The following RGS8 variants were observed in gnomAD, a reference collection of about 807,000 sequenced individuals.
RGS8 encodes regulator of G-protein signaling 8.
In RGS8, 8 loss-of-function variants were observed where a neutral mutation model predicts 21.7. That is an observed-to-expected ratio of 0.37 (90% CI 0.22 to 0.66). The LOEUF is 0.66. RGS8 is among the 30% of genes least tolerant of loss of function. The pLI is 0.59. For synonymous variants in RGS8, 80 were observed against 83.6 expected (o/e 0.96, Z 0.24); for missense variants, 157 against 217.9 (o/e 0.72, Z 1.76).
the RGS8 span, among the ~76,000 whole-genome samples, chr1:182,731,511 T>C: frequency 6.6e-6 from 1 of 152,214 alleles, no homozygotes; most frequent in Non-Finnish European, 1.5e-5. Context: ...AAAAGTCTTC[T>C]TCTAGTTCAA....
At chr1:182,659,994 C>T (rs1014183814) in intron 5 of RGS8, among the ~76,000 whole-genome samples, 4 of 152,140 alleles carry the variant, frequency 2.6e-5, no homozygotes, top group Admixed American at 2.0e-4. Context: ...AATACTACCT[C>T]CAATCCACAA....
chr1:182,655,013 G>T (rs1663199055), intron 5 of RGS8, among the ~76,000 whole-genome samples: 2 of 152,146 alleles, frequency 1.3e-5, no homozygotes, highest in Admixed American at 6.5e-5. Context: ...CTTACTTTGG[G>T]CCCAGCACCG....
At chr1:182,730,467 T>C in the RGS8 span, among the ~76,000 whole-genome samples, 5 of 152,178 alleles carry the variant, frequency 3.3e-5, no homozygotes, top group African/African-American at 4.8e-5. Context: ...CCCAGTACTT[T>C]GGGAGGCCAA....
At chr1:182,673,260 A>G (rs551528076), upstream of RGS8, among the ~76,000 whole-genome samples, 4 of 152,198 alleles carry the variant, frequency 2.6e-5, no homozygotes, top group Non-Finnish European at 5.9e-5. Context: ...TAAATGTATA[A>G]AGCATTTTCA....
the RGS8 span, among the ~76,000 whole-genome samples, chr1:182,697,158 A>G: frequency 3.9e-5 from 6 of 152,376 alleles, no homozygotes; most frequent in Admixed American, 3.9e-4. Context: ...GAAACTCCAC[A>G]TCTTGATGAG....
chr1:182,677,447 T>C (rs899143071), upstream of RGS8, among the ~76,000 whole-genome samples: 2 of 152,252 alleles, frequency 1.3e-5, no homozygotes, highest in Non-Finnish European at 2.9e-5. Flanking sequence ...TCATTTTACA[T>C]AGAGGATTAC....
At chr1:182,708,738 A>G in the RGS8 span, among the ~76,000 whole-genome samples, 1 of 152,224 alleles carries the variant, frequency 6.6e-6, no homozygotes. Flanking sequence ...TTTGGGCCGC[A>G]TGGGGGAATC....
chr1:182,647,360 C>T (rs1662751649), intron 6 of RGS8, among the ~76,000 whole-genome samples: 1 of 152,180 alleles, frequency 6.6e-6, no homozygotes, highest in South Asian at 2.1e-4. Flanking sequence ...GGAGGGAGGC[C>T]CTGGTTAGAA....
the RGS8 span, among the ~76,000 whole-genome samples, chr1:182,718,916 C>T: frequency 1.4e-4 from 21 of 152,276 alleles, no homozygotes; most frequent in African/African-American, 4.6e-4. Context: ...ACTGTAATAG[C>T]GTCGGATGGA....
At chr1:182,681,027 T>C (rs1664519114) in intron 1 of RGS8, among the ~76,000 whole-genome samples, 1 of 152,236 alleles carries the variant, frequency 6.6e-6, no homozygotes, top group Non-Finnish European at 1.5e-5. Context: ...GCCCACTTCC[T>C]GTGTTACTGC....
chr1:182,721,589 G>A, the RGS8 span, among the ~76,000 whole-genome samples: 5 of 152,176 alleles, frequency 3.3e-5, no homozygotes, highest in Admixed American at 6.5e-5. Context: ...TCTGCTAAGG[G>A]TAAGTGGAGC....
intron 1 of RGS8, among the ~76,000 whole-genome samples, chr1:182,678,612 G>A (rs1259172703): frequency 6.6e-6 from 1 of 152,160 alleles, no homozygotes; most frequent in Non-Finnish European, 1.5e-5. Context: ...CACATCCTTT[G>A]TTCCCACTGC....
the RGS8 span, among the ~76,000 whole-genome samples, chr1:182,706,570 G>A: frequency 2.6e-5 from 4 of 151,966 alleles, no homozygotes; most frequent in Non-Finnish European, 4.4e-5. Context: ...GGGTTCAAGC[G>A]ATTCTCGTGC....
At chr1:182,680,833 G>T (rs1486088179) in intron 1 of RGS8, among the ~76,000 whole-genome samples, 10 of 152,356 alleles carry the variant, frequency 6.6e-5, no homozygotes, top group South Asian at 6.2e-4. Context: ...CCCCCAGCAG[G>T]TAGGTGAGGA....
At chr1:182,704,545 A>G in the RGS8 span, among the ~76,000 whole-genome samples, 1 of 152,220 alleles carries the variant, frequency 6.6e-6, no homozygotes, top group Non-Finnish European at 1.5e-5. Context: ...TTGGACCCAT[A>G]TGCAGAATGG....
intron 5 of RGS8, among the ~76,000 whole-genome samples, chr1:182,664,023 A>C (rs1211894558): frequency 6.6e-6 from 1 of 152,122 alleles, no homozygotes; most frequent in Non-Finnish European, 1.5e-5. Flanking sequence ...TTGCATTCCC[A>C]AAAACCAAAA....
downstream of RGS8, chr1:182,643,333 C>CCCCCG (rs1320966882): frequency 6.8e-4 from 86 of 126,390 alleles, no homozygotes; most frequent in African/African-American, 2.6e-3. Context: ...GCCCCCCCGC[C>CCCCCG]CCCGCGCTGT....
At chr1:182,648,378 A>T (rs1257586138) in intron 5 of RGS8, 75 bp from the exon 7 acceptor site, 60 of 1,487,434 alleles carry the variant, frequency 4.0e-5, no homozygotes, top group Non-Finnish European at 5.4e-5. Flanking sequence ...GAAAGAAAGG[A>T]AGTAATAGTG....
chr1:182,648,720 G>A (rs570877103), intron 5 of RGS8, among the ~76,000 whole-genome samples: 1 of 151,484 alleles, frequency 6.6e-6, no homozygotes, highest in African/African-American at 2.4e-5. Context: ...GGGCGACAGA[G>A]CGAGACTCCG....
Sources: allele counts gnomAD v4.1 joint callset (sites outside exome capture counted in the v4.1 genomes callset), GRCh38; gene constraint gnomAD v4.1.1; transcripts MANE v1.5; gene names NCBI Gene and HGNC (gene_info 2026-07-23, HGNC 2026-07-21).